DENND1A: variants seen among roughly 807,000 people sequenced by gnomAD.
DENND1A encodes DENN domain containing 1A.
Under a neutral mutation model 113.7 loss-of-function variants are expected in DENND1A, and 51 were observed. The ratio of observed to expected loss-of-function variants is 0.45; its 90% confidence interval spans 0.36 to 0.57. The LOEUF is 0.57. DENND1A is among the 20% of genes least tolerant of loss of function. The pLI, the probability that DENND1A is intolerant of heterozygous loss-of-function variation, is 0.00. For synonymous variants in DENND1A, 565 were observed against 570.8 expected, an observed-to-expected ratio of 0.99 and a Z score of 0.14; for missense variants, 1,258 against 1,395.9, an observed-to-expected ratio of 0.90 and a Z score of 1.57.
intron 13 of DENND1A, among the ~76,000 whole-genome samples, chr9:123,543,053 C>G (rs1334476254): frequency 2.0e-5 from 3 of 152,228 alleles, no homozygotes. Context: ...CTCTGCGTCT[C>G]AGGACCACCT....
At chr9:123,516,887 A>C (rs1346864837) in intron 13 of DENND1A, among the ~76,000 whole-genome samples, 1 of 19,882 alleles carries the variant, frequency 5.0e-5, no homozygotes, top group Admixed American at 5.7e-4. Flanking sequence ...TCTGTCTCAA[A>C]AAAAAAAAAA....
At chr9:123,455,161 G>A (rs2048022457) in intron 15 of DENND1A, among the ~76,000 whole-genome samples, 1 of 152,204 alleles carries the variant, frequency 6.6e-6, no homozygotes, top group South Asian at 2.1e-4. Context: ...GAACCCGGTG[G>A]AGGGTCCCAT....
chr9:123,851,530 C>A (rs1283008293), intron 2 of DENND1A, among the ~76,000 whole-genome samples: 1 of 152,132 alleles, frequency 6.6e-6, no homozygotes, highest in African/African-American at 2.4e-5. Context: ...TTTTAAAATT[C>A]TTTGCAAGAC....
chr9:123,858,908 T>C (rs541377678), intron 2 of DENND1A, among the ~76,000 whole-genome samples: 47 of 152,264 alleles, frequency 3.1e-4, no homozygotes, highest in African/African-American at 1.1e-3. Context: ...GGAGGAAAGA[T>C]TATGCCAGGG....
chr9:123,766,202 TTCTTGCTGTCCTG>T (rs1315821586), intron 4 of DENND1A, among the ~76,000 whole-genome samples: 2 of 152,196 alleles, frequency 1.3e-5, no homozygotes, highest in Non-Finnish European at 2.9e-5. Context: ...ACTTGCCCAC[TTCTTGCTGTCCTG>T]GCAGACTCAA....
At chr9:123,722,435 C>G (rs536067766) in intron 5 of DENND1A, among the ~76,000 whole-genome samples, 1 of 152,184 alleles carries the variant, frequency 6.6e-6, no homozygotes, top group African/African-American at 2.4e-5. Flanking sequence ...AGGAGCTGAA[C>G]GTTAATCACC....
chr9:123,478,235 C>T (rs2050068684), intron 13 of DENND1A, among the ~76,000 whole-genome samples: 1 of 152,232 alleles, frequency 6.6e-6, no homozygotes, highest in East Asian at 1.9e-4. Flanking sequence ...CCATGAGAAT[C>T]CCAACCTCCC....
chr9:123,463,397 T>C (rs1313857749), intron 13 of DENND1A, among the ~76,000 whole-genome samples: 1 of 152,196 alleles, frequency 6.6e-6, no homozygotes, highest in Admixed American at 6.5e-5. Flanking sequence ...CAGAAATAAA[T>C]GACTCTATCC....
At chr9:123,662,012 C>A (rs1248110678) in intron 8 of DENND1A, among the ~76,000 whole-genome samples, 4 of 152,146 alleles carry the variant, frequency 2.6e-5, no homozygotes, top group African/African-American at 9.7e-5. Flanking sequence ...CTCTAAAGGA[C>A]ATGAGTTTCC....
intron 13 of DENND1A, among the ~76,000 whole-genome samples, chr9:123,493,541 C>A (rs2051577581): frequency 6.6e-6 from 1 of 152,166 alleles, no homozygotes; most frequent in African/African-American, 2.4e-5. Flanking sequence ...CCACTTCTCT[C>A]AGATGTCAGA....
At chr9:123,913,327 A>G (rs1854424219) in intron 1 of DENND1A, among the ~76,000 whole-genome samples, 1 of 152,110 alleles carries the variant, frequency 6.6e-6, no homozygotes, top group Non-Finnish European at 1.5e-5. Flanking sequence ...TCCAGCGAAC[A>G]AATTAAAGCA....
At chr9:123,418,107 C>T (rs759888027) in intron 19 of DENND1A, among the ~76,000 whole-genome samples, 3 of 152,176 alleles carry the variant, frequency 2.0e-5, no homozygotes, top group Admixed American at 6.5e-5. Flanking sequence ...GGAACCTTGA[C>T]GTCCTTGGTA....
intron 7 of DENND1A, among the ~76,000 whole-genome samples, chr9:123,667,478 G>A (rs1193953774): frequency 1.3e-5 from 2 of 152,132 alleles, no homozygotes; most frequent in African/African-American, 2.4e-5. Flanking sequence ...TTAGCCAGGT[G>A]TGGTGGCGGG....
intron 5 of DENND1A, among the ~76,000 whole-genome samples, chr9:123,696,262 G>A (rs947365656): frequency 1.3e-5 from 2 of 152,304 alleles, no homozygotes; most frequent in African/African-American, 2.4e-5. Flanking sequence ...GCTATGATAC[G>A]TTAATACAGT....
chr9:123,892,273 T>C (rs1850029205), intron 1 of DENND1A, among the ~76,000 whole-genome samples: 1 of 152,174 alleles, frequency 6.6e-6, no homozygotes, highest in South Asian at 2.1e-4. Context: ...CATGGTGCAT[T>C]GGATAGAGTA....
At chr9:123,386,679 T>G (rs946746424) in intron 22 of DENND1A, among the ~76,000 whole-genome samples, 2 of 152,158 alleles carry the variant, frequency 1.3e-5, no homozygotes, top group African/African-American at 4.8e-5. Flanking sequence ...CCACTGCGCT[T>G]GGCAAGGCCA....
intron 13 of DENND1A, among the ~76,000 whole-genome samples, chr9:123,503,851 G>T (rs546341122): frequency 6.6e-6 from 1 of 152,306 alleles, no homozygotes; most frequent in East Asian, 1.9e-4. Context: ...AGACACACTG[G>T]GTTAAGCCAA....
In DENND1A at chr9:123,381,789, G is replaced by A. The variant is rs1484570313; in HGVS notation, c.2856C>T (p.Ser952=). The change falls in exon 24 of 24, where the codon TCC becomes TCT. Residue 952 remains serine (S), a synonymous_variant. Coordinates refer to ENST00000394215, the MANE Select transcript of DENND1A (RefSeq NM_001352964.2). The surrounding 1 kb of genome is among the most constrained non-coding windows in gnomAD (Gnocchi z 4.7). ...HRSQPNLSAL[S]MPNLFGQMPM... Reference sequence around the variant, plus strand: ...GCATCTGGCCAAAGAGGTTGGGCATGGAGAGGGCGGAGAGGTTGGGCTGAG... The same window carrying A: ...GCATCTGGCCAAAGAGGTTGGGCATAGAGAGGGCGGAGAGGTTGGGCTGAG... 5 of 1,515,956 alleles carry A rather than the reference G, an allele frequency of 3.3e-6. No homozygotes were observed. The highest frequency in any genetic ancestry group is 1.4e-5 in the African/African-American group (1 of 71,572). 93.9% of individuals were successfully genotyped at this position (1,515,956 alleles called of 1,614,324 possible).
chr9:123,655,771 C>T (rs899262947), intron 8 of DENND1A, among the ~76,000 whole-genome samples: 4 of 152,280 alleles, frequency 2.6e-5, no homozygotes, highest in Non-Finnish European at 4.4e-5. Flanking sequence ...AGCCAGAACA[C>T]GTTATGAGCT....
Sources: gnomAD v4.1 joint callset for allele counts (sites outside exome capture counted in the v4.1 genomes callset) on GRCh38, gnomAD v4.1.1 for gene constraint, Gnocchi (gnomAD v3.1) non-coding constraint, MANE v1.5 for transcripts, NCBI Gene and HGNC (gene_info 2026-07-23, HGNC 2026-07-21) for gene names.